RIMS2: variants seen among roughly 807,000 people sequenced by gnomAD.
RIMS2 encodes the protein regulating synaptic membrane exocytosis 2.
In RIMS2, 59 loss-of-function variants were observed where a neutral mutation model predicts 174.4. That is an observed-to-expected ratio of 0.34 (90% CI 0.27 to 0.42). The LOEUF is 0.42. Ranked by LOEUF, RIMS2 falls within the 10% of genes least tolerant of loss-of-function variation. The probability of loss-of-function intolerance (pLI) is 1.00; values close to 1 mark genes in which losing one functional copy is unlikely to be tolerated. For synonymous variants in RIMS2, 606 were observed against 572.5 expected, an observed-to-expected ratio of 1.06 and a Z score of -0.84; for missense variants, 1,620 against 1,666.3, an observed-to-expected ratio of 0.97 and a Z score of 0.48.
At chr8:104,013,577 A>G (rs1328085646) in exon 18 of RIMS2, 4 of 1,613,858 alleles carry the variant, frequency 2.5e-6, no homozygotes, top group Non-Finnish European at 1.7e-6. Context: ...CGATGCCTTC[A>G]TTAATGACTG....
At chr8:104,119,494 G>A (rs895042039) in intron 19 of RIMS2, among the ~76,000 whole-genome samples, 6 of 152,132 alleles carry the variant, frequency 3.9e-5, no homozygotes, top group Non-Finnish European at 8.8e-5. Context: ...AGATTGAAGA[G>A]TAAACATTTT....
At chr8:104,020,359 G>A (rs2096056963) in intron 19 of RIMS2, among the ~76,000 whole-genome samples, 1 of 151,898 alleles carries the variant, frequency 6.6e-6, no homozygotes, top group African/African-American at 2.4e-5. Context: ...GAAGTTTATG[G>A]TGTCTTTCTA....
At chr8:103,578,569 C>A (rs1342363648) in intron 1 of RIMS2, among the ~76,000 whole-genome samples, 1 of 151,882 alleles carries the variant, frequency 6.6e-6, no homozygotes, top group African/African-American at 2.4e-5. Flanking sequence ...ACAACAACAA[C>A]AACAAAAAAC....
intron 3 of RIMS2, among the ~76,000 whole-genome samples, chr8:103,828,940 C>T (rs914822345): frequency 2.0e-5 from 3 of 151,988 alleles, no homozygotes; most frequent in Non-Finnish European, 4.4e-5. Flanking sequence ...TATTTTTGTA[C>T]CAGTACCATG....
At chr8:104,001,035 G>T (rs1249525845) in intron 17 of RIMS2, among the ~76,000 whole-genome samples, 1 of 151,554 alleles carries the variant, frequency 6.6e-6, no homozygotes, top group African/African-American at 2.4e-5. Flanking sequence ...TTTGTTTATT[G>T]TTTTCTAAAC....
intron 19 of RIMS2, among the ~76,000 whole-genome samples, chr8:104,024,467 A>G (rs1326732948): frequency 6.6e-6 from 1 of 152,198 alleles, no homozygotes; most frequent in African/African-American, 2.4e-5. Context: ...ATGTGTTGAT[A>G]TACCATGCCT....
intron 3 of RIMS2, among the ~76,000 whole-genome samples, chr8:103,827,242 T>C (rs761797907): frequency 1.4e-4 from 22 of 152,212 alleles, no homozygotes; most frequent in Non-Finnish European, 2.5e-4. Flanking sequence ...TAAATGGAAT[T>C]CTTTTAAAAA....
chr8:103,910,405 T>C (rs775635117), intron 5 of RIMS2: 11 of 1,596,220 alleles, frequency 6.9e-6, no homozygotes, highest in Admixed American at 1.7e-5. Context: ...CAAAAGGAAA[T>C]GATGTACTTT....
chr8:103,594,741 C>G (rs1327787809), intron 1 of RIMS2, among the ~76,000 whole-genome samples: 2 of 151,716 alleles, frequency 1.3e-5, no homozygotes, highest in East Asian at 1.9e-4. Context: ...TTTCTAACCT[C>G]AAGACAAAGA....
intron 3 of RIMS2, among the ~76,000 whole-genome samples, chr8:103,782,793 ACT>A (rs2098404220): frequency 6.6e-6 from 1 of 150,958 alleles, no homozygotes; most frequent in South Asian, 2.1e-4. Context: ...TTCTTTTAAA[ACT>A]CTGTTTATAT....
At chr8:103,783,220 C>G (rs2098407985) in intron 3 of RIMS2, among the ~76,000 whole-genome samples, 2 of 151,878 alleles carry the variant, frequency 1.3e-5, no homozygotes, top group South Asian at 4.2e-4. Context: ...CCCAGTGTTC[C>G]CTACCAGGTG....
intron 3 of RIMS2, among the ~76,000 whole-genome samples, chr8:103,783,113 T>C (rs565037425): frequency 1.3e-5 from 2 of 152,276 alleles, no homozygotes; most frequent in East Asian, 3.9e-4. Context: ...CAAAGCTCCC[T>C]GGTTGTTGAC....
rs143763694 is a variant in RIMS2, at chr8:103,725,946, T to C, written c.387+28650T>C. 2.7e-3 allele frequency among the ~76,000 whole-genome samples: 418 copies of C among 152,328 alleles called. 3 individuals are homozygous for C. Among genetic ancestry groups the C allele is most frequent in the African/African-American group, 9.6e-3 (399 of 41,582 alleles). ...GAGCATTATTCGTGTTTTTCGGCCA[T>C]TTATATCACGTCTTTTGAGAAATGT... is the stretch of plus-strand genomic sequence containing the variant. On this transcript the variant is annotated intron_variant, in intron 2 of 23. Coordinates refer to ENST00000504942, the Ensembl canonical transcript of RIMS2.
intron 1 of RIMS2, among the ~76,000 whole-genome samples, chr8:103,528,826 G>C (rs1335948893): frequency 1.3e-5 from 2 of 152,190 alleles, no homozygotes; most frequent in Admixed American, 1.3e-4. Context: ...CAGGTAGCCT[G>C]ATGCCTCCAG....
At chr8:103,863,001 A>T (rs1461888142) in intron 3 of RIMS2, among the ~76,000 whole-genome samples, 1 of 151,964 alleles carries the variant, frequency 6.6e-6, no homozygotes, top group African/African-American at 2.4e-5. Context: ...CCAGTACTGT[A>T]TTGAATATAA....
At chr8:103,792,702 A>G (rs1171273233) in intron 3 of RIMS2, among the ~76,000 whole-genome samples, 10 of 151,784 alleles carry the variant, frequency 6.6e-5, no homozygotes, top group Non-Finnish European at 1.5e-4. Flanking sequence ...AATAAAGAAG[A>G]AAAGAGAGAA....
intron 1 of RIMS2, among the ~76,000 whole-genome samples, chr8:103,563,189 G>C (rs890690704): frequency 2.0e-5 from 3 of 152,200 alleles, no homozygotes; most frequent in Non-Finnish European, 4.4e-5. Context: ...CAGCTGGCTT[G>C]AATTTCTCCC....
At chr8:103,731,820 A>G (rs2138921120) in intron 2 of RIMS2, among the ~76,000 whole-genome samples, 1 of 152,244 alleles carries the variant, frequency 6.6e-6, no homozygotes, top group South Asian at 2.1e-4. Context: ...TCTCTTTGTT[A>G]AATTTATCTG....
intron 19 of RIMS2, among the ~76,000 whole-genome samples, chr8:104,089,568 C>T (rs1475119162): frequency 6.6e-6 from 1 of 151,682 alleles, no homozygotes; most frequent in Non-Finnish European, 1.5e-5. Flanking sequence ...GTCCAGATTT[C>T]TCATTTTTAA....
Sources: gnomAD v4.1 joint callset for allele counts (sites outside exome capture counted in the v4.1 genomes callset) on GRCh38, gnomAD v4.1.1 for gene constraint, MANE v1.5 for transcripts, NCBI Gene and HGNC (gene_info 2026-07-23, HGNC 2026-07-21) for gene names.